The following PHF24 variants were observed in gnomAD, a reference collection of about 807,000 sequenced individuals.
The protein encoded by PHF24 is PHD finger protein 24.
PHF24 carries 25 observed loss-of-function variants against 42.6 expected under a neutral mutation model. The observed-to-expected ratio is 0.59, with a 90% confidence interval of 0.43 to 0.82. The LOEUF (loss-of-function observed/expected upper bound fraction) is 0.82, where lower values mean the gene tolerates loss of function less well. PHF24 is among the 40% of genes least tolerant of loss of function. The pLI, the probability that PHF24 is intolerant of heterozygous loss-of-function variation, is 0.00. For synonymous variants in PHF24, 185 were observed against 204.8 expected (o/e 0.90, Z 0.83); for missense variants, 470 against 538.1 (o/e 0.87, Z 1.25).
the PHF24 span, among the ~76,000 whole-genome samples, chr9:34,909,807 A>G: frequency 6.6e-6 from 1 of 152,072 alleles, no homozygotes; most frequent in South Asian, 2.1e-4. Context: ...GTTTTTTGGT[A>G]GAGACGGGGT....
exon 8 of PHF24, chr9:34,978,198 GA>G: frequency 9.7e-7 from 1 of 1,035,248 alleles, no homozygotes; most frequent in Non-Finnish European, 1.5e-6. Flanking sequence ...CTGGCACAGA[GA>G]CTCATGGGGT....
the PHF24 span, among the ~76,000 whole-genome samples, chr9:34,741,699 G>T: frequency 2.0e-5 from 3 of 152,344 alleles, no homozygotes; most frequent in African/African-American, 7.2e-5. Flanking sequence ...GCGATGTTCT[G>T]CATGGCCAAG....
the PHF24 span, among the ~76,000 whole-genome samples, chr9:34,775,754 G>A: frequency 3.3e-3 from 507 of 152,020 alleles, 2 homozygotes; most frequent in Admixed American, 5.6e-3. Context: ...CTAGATATTC[G>A]CCCAAGAGAA....
At chr9:34,737,048 C>T in the PHF24 span, among the ~76,000 whole-genome samples, 1 of 152,152 alleles carries the variant, frequency 6.6e-6, no homozygotes, top group Non-Finnish European at 1.5e-5. Flanking sequence ...GTAAAATTTA[C>T]ATGTCATAAA....
At chr9:34,724,796 G>A in the PHF24 span, 2 of 1,551,320 alleles carry the variant, frequency 1.3e-6, no homozygotes, top group African/African-American at 2.7e-5. Context: ...CACGGGACTA[G>A]GCTCCATCTC....
chr9:34,875,938 A>ACTCTCTCTCTCTCTCTCTCT, the PHF24 span, among the ~76,000 whole-genome samples: 4 of 88,544 alleles, frequency 4.5e-5, no homozygotes, highest in Admixed American at 1.2e-4. Context: ...ACACACACAC[A>ACTCTCTCTCTCTCTCTCTCT]CACACACACA....
the PHF24 span, among the ~76,000 whole-genome samples, chr9:34,692,559 G>A: frequency 3.3e-5 from 5 of 152,142 alleles, no homozygotes; most frequent in Admixed American, 3.3e-4. Flanking sequence ...CGGTGCAGAG[G>A]AGGGAGACTC....
chr9:34,735,099 A>G, the PHF24 span, among the ~76,000 whole-genome samples: 1 of 146,944 alleles, frequency 6.8e-6, no homozygotes, highest in African/African-American at 2.5e-5. Flanking sequence ...AACTCAGTCT[A>G]CTCTCTTACA....
chr9:34,680,702 AT>A, the PHF24 span, among the ~76,000 whole-genome samples: 190 of 64,772 alleles, frequency 2.9e-3, no homozygotes, highest in African/African-American at 8.4e-3. Context: ...AAAAAAATAA[AT>A]AAATAAAAAA....
chr9:34,908,842 C>CTTTTTTTT, the PHF24 span, among the ~76,000 whole-genome samples: 7 of 135,346 alleles, frequency 5.2e-5, no homozygotes, highest in Non-Finnish European at 9.5e-5. Context: ...CTTTTCTTTT[C>CTTTTTTTT]TTTTTTTTTT....
chr9:34,738,348 AT>A, the PHF24 span, among the ~76,000 whole-genome samples: 8 of 151,392 alleles, frequency 5.3e-5, no homozygotes, highest in South Asian at 2.1e-4. Context: ...AGACTTTTTA[AT>A]TTTTTTTTTT....
chr9:34,795,012 T>G, the PHF24 span, among the ~76,000 whole-genome samples: 1 of 152,132 alleles, frequency 6.6e-6, no homozygotes, highest in East Asian at 1.9e-4. Flanking sequence ...ACAAAGAAAT[T>G]TATGCTCAGC....
chr9:34,814,214 G>A, the PHF24 span, among the ~76,000 whole-genome samples: 1 of 151,990 alleles, frequency 6.6e-6, no homozygotes, highest in East Asian at 1.9e-4. Flanking sequence ...TCTTTCCTAG[G>A]ACTTCTACTA....
the PHF24 span, among the ~76,000 whole-genome samples, chr9:34,903,653 T>C: frequency 6.2e-4 from 95 of 152,388 alleles, no homozygotes; most frequent in Non-Finnish European, 1.0e-3. Context: ...AGTGTCATCC[T>C]GGTACACACC....
chr9:34,840,716 A>G, the PHF24 span, among the ~76,000 whole-genome samples: 1 of 152,098 alleles, frequency 6.6e-6, no homozygotes, highest in Non-Finnish European at 1.5e-5. Flanking sequence ...AATAAAATAA[A>G]TATATCTTGA....
the PHF24 span, among the ~76,000 whole-genome samples, chr9:34,687,328 G>A: frequency 6.6e-6 from 1 of 152,198 alleles, no homozygotes; most frequent in Middle Eastern, 3.2e-3. Context: ...GCAAGACTTT[G>A]TGGGGTGTCT....
At chr9:34,826,590 A>G in the PHF24 span, among the ~76,000 whole-genome samples, 1 of 152,214 alleles carries the variant, frequency 6.6e-6, no homozygotes, top group African/African-American at 2.4e-5. Flanking sequence ...CCCTGCCCTC[A>G]ACAACTCAGC....
chr9:34,673,470 GTTGT>G, the PHF24 span, among the ~76,000 whole-genome samples: 5 of 151,290 alleles, frequency 3.3e-5, no homozygotes, highest in African/African-American at 4.9e-5. Flanking sequence ...TTTTGTTGTT[GTTGT>G]TTGTTTGTTT....
At chr9:34,722,519 G>A in the PHF24 span, among the ~76,000 whole-genome samples, 7 of 152,238 alleles carry the variant, frequency 4.6e-5, no homozygotes, top group East Asian at 1.9e-4. Context: ...ATAGACTGTC[G>A]ACCCCATGGG....
Sources: gnomAD v4.1 joint callset for allele counts (sites outside exome capture counted in the v4.1 genomes callset) on GRCh38, gnomAD v4.1.1 for gene constraint, MANE v1.5 for transcripts, NCBI Gene and HGNC (gene_info 2026-07-23, HGNC 2026-07-21) for gene names.